Variants in TTC12 observed in about 807,000 individuals in gnomAD.
TTC12 encodes tetratricopeptide repeat domain 12, also known as tetratricopeptide repeat protein 12.
A neutral mutation model predicts 90.1 loss-of-function variants in TTC12; 70 were observed. The ratio of observed to expected loss-of-function variants is 0.78; its 90% CI spans 0.64 to 0.95. The LOEUF is 0.95. Among genes scored for constraint, TTC12 ranks in the 40% least tolerant of loss-of-function variants. The pLI is 0.00. For synonymous variants in TTC12, 296 were observed against 311.5 expected, an observed-to-expected ratio of 0.95 and a Z score of 0.53; for missense variants, 819 against 846.1, an observed-to-expected ratio of 0.97 and a Z score of 0.40.
rs181338111 is a variant in TTC12, at chr11:113,360,665, C to T, written c.1614+657C>T. ...TCACATTAAGTGATCACCCGTTTTT[C>T]TCCCTGTCAGGGCAGGACCCTAATG... On this transcript the variant is annotated intron_variant, in intron 18 of 21. Coordinates refer to ENST00000529221, the MANE Select transcript of TTC12 (RefSeq NM_017868.4). 3.4e-3 allele frequency among the ~76,000 whole-genome samples: 517 copies of T among 152,294 alleles called. 4 individuals are homozygous for T. The highest frequency in any genetic ancestry group is 0.012 in the African/African-American group (483 of 41,568).
Position 113,325,659 on chromosome 11 carries a change from GGA to G in TTC12, c.444+15_444+16del. 1 of 1,613,366 alleles carries G rather than the reference GGA, an allele frequency of 6.2e-7. No individual in the cohort carries two copies. The highest frequency in any genetic ancestry group is 1.7e-5 in the Admixed American group (1 of 59,922). ...AACCGAGCCCAGGTCAGTGAGGCAG[GGA>G]TGTATCCATGGGGCTTTCTCAGGGA... is the stretch of plus-strand genomic sequence containing the variant. On this transcript the variant is annotated intron_variant, in intron 6 of 21. Coordinates refer to ENST00000529221, the MANE Select transcript of TTC12 (RefSeq NM_017868.4).
At chr11:113,362,904 A>G (rs543310327) in intron 19 of TTC12, among the ~76,000 whole-genome samples, 12 of 152,334 alleles carry the variant, frequency 7.9e-5, no homozygotes, top group African/African-American at 2.6e-4. Flanking sequence ...AACTCCATCT[A>G]TGAGACATGT....
At chr11:113,373,183 C>T (rs193273156) in exon 22 of TTC12, 4 of 985,388 alleles carry the variant, frequency 4.1e-6, no homozygotes, top group African/African-American at 1.7e-5. Flanking sequence ...ACCAGGTACT[C>T]AACCACCCCA....
chr11:113,321,944 A>T (rs984944491), intron 2 of TTC12, among the ~76,000 whole-genome samples: 1 of 152,208 alleles, frequency 6.6e-6, no homozygotes, highest in Non-Finnish European at 1.5e-5. Flanking sequence ...AATTGTTGAC[A>T]TAGATAATTG....
chr11:113,316,124 A>G, intron 1 of TTC12, 119 bp from the exon 2 acceptor site: 1 of 440,866 alleles, frequency 2.3e-6, no homozygotes, highest in Non-Finnish European at 4.0e-6. Context: ...ATTCATTGAC[A>G]TAAACAAAAC....
intron 8 of TTC12, among the ~76,000 whole-genome samples, chr11:113,336,424 T>C (rs990972336): frequency 2.6e-5 from 4 of 152,226 alleles, no homozygotes; most frequent in Admixed American, 2.0e-4. Context: ...TTGCTTGTGA[T>C]TTTGGTGTTA....
In TTC12 at chr11:113,350,128, G is replaced by A; in HGVS notation, c.1210G>A (p.Ala404Thr). 1.9e-6 allele frequency: 3 copies of A among 1,613,930 alleles called. No homozygotes were observed. The highest frequency in any genetic ancestry group is 2.5e-6 in the Non-Finnish European group (3 of 1,179,828). Residue 404 changes from alanine to threonine, a missense_variant, in exon 14 of 22, where the codon GCT (alanine) becomes ACT (threonine). Ala to Thr is a moderately conservative substitution (Grantham distance 58). Transcript: ENST00000529221. ...LDFSDKEANT[A>T]MGLFTDLALE... ...TTTCTCGGATAAGGAGGCCAACACTGCTATGGGACTGTTCACAGACTTGGC... is the reference window on the plus strand; with the variant it reads ...TTTCTCGGATAAGGAGGCCAACACTACTATGGGACTGTTCACAGACTTGGC...
intron 16 of TTC12, among the ~76,000 whole-genome samples, chr11:113,358,585 TC>T (rs1355263317): frequency 3.9e-5 from 6 of 152,042 alleles, no homozygotes; most frequent in Non-Finnish European, 8.8e-5. Context: ...GTCTGATGAT[TC>T]CCCGAGGGCT....
chr11:113,339,451 T>A lies in TTC12; in HGVS notation c.803T>A (p.Ile268Asn). 6.2e-7 allele frequency: 1 copy of A among 1,610,816 alleles called. No homozygotes were observed. The highest frequency in any genetic ancestry group is 8.5e-7 in the Non-Finnish European group (1 of 1,179,112). ...IPLFYAGGIEILTEMINECTE... is the reference protein window; with the variant it reads ...IPLFYAGGIENLTEMINECTE... The stretch of plus-strand genomic sequence containing the variant: ...TTGTTCTATGCTGGGGGGATTGAGA[T>A]CCTGACTGAAATGATAAATGAGTGT... Residue 268 changes from isoleucine (I) to asparagine (N), a missense_variant, in exon 10 of 22, where the codon ATC becomes AAC. Ile to Asn is a moderately radical substitution (Grantham distance 149). Coordinates refer to ENST00000529221, the MANE Select transcript of TTC12 (RefSeq NM_017868.4).
At chr11:113,368,579 A>AAGCC (rs1565637800), downstream of TTC12, 2 of 1,302,036 alleles carry the variant, frequency 1.5e-6, no homozygotes, top group Admixed American at 3.9e-5. Context: ...GGTGGCAGGT[A>AAGCC]ACAGACAGTC....
At chr11:113,338,883 G>A in intron 9 of TTC12, 49 bp downstream of exon 9, 2 of 1,547,872 alleles carry the variant, frequency 1.3e-6, no homozygotes, top group Non-Finnish European at 1.8e-6. Flanking sequence ...ACCTCCCTCT[G>A]CCCCCTGCCT....
intron 21 of TTC12, 145 bp downstream of exon 21, chr11:113,365,205 A>G (rs1950144420): frequency 4.2e-6 from 3 of 712,868 alleles, no homozygotes; most frequent in Non-Finnish European, 4.7e-6. Context: ...TAAGCCCAGT[A>G]GCTGCTTCTC....
chr11:113,339,578 A>G (rs1409220996), intron 10 of TTC12, 104 bp downstream of exon 10: 2 of 1,079,578 alleles, frequency 1.9e-6, no homozygotes, highest in African/African-American at 3.2e-5. Context: ...CCTTCCACAA[A>G]TATTGATTAA....
At chr11:113,345,756 G>A (rs574625022) in intron 13 of TTC12, among the ~76,000 whole-genome samples, 27 of 152,216 alleles carry the variant, frequency 1.8e-4, no homozygotes, top group African/African-American at 6.0e-4. Context: ...TCATTTCCTC[G>A]ATACCTTCAT....
chr11:113,336,746 CA>C (rs1228507177), intron 8 of TTC12, among the ~76,000 whole-genome samples: 1 of 152,136 alleles, frequency 6.6e-6, no homozygotes. Context: ...ACAGTGTCTT[CA>C]TTTTTGTAGC....
chr11:113,337,151 A>G (rs971291047), intron 8 of TTC12, among the ~76,000 whole-genome samples: 7 of 152,326 alleles, frequency 4.6e-5, no homozygotes, highest in African/African-American at 1.7e-4. Context: ...CTGTCCACCA[A>G]TTTTTATTTA....
chr11:113,353,298 A>C lies in TTC12; in HGVS notation c.1446+1091A>C, dbSNP rs541907586. Among the ~76,000 whole-genome samples, 109 of 152,204 alleles carry C rather than the reference A, an allele frequency of 7.2e-4. 1 individual carries two copies. In the South Asian group the frequency reaches 0.022, roughly 30 times the overall value. The stretch of plus-strand genomic sequence containing the variant: ...AAGTGTCTCTTCATGTCCTTTGCCC[A>C]CTTTTTAATGGGGTAGTTTATTTTT... On this transcript the variant is annotated intron_variant, in intron 16 of 21. Transcript: ENST00000529221.
chr11:113,341,178 C>T (rs1477830927), intron 11 of TTC12, among the ~76,000 whole-genome samples: 4 of 152,100 alleles, frequency 2.6e-5, no homozygotes, highest in African/African-American at 7.2e-5. Context: ...TGCAGTGAGC[C>T]GAGATCACGC....
intron 16 of TTC12, 125 bp downstream of exon 16, chr11:113,352,332 C>G (rs1243432581): frequency 8.0e-7 from 1 of 1,246,288 alleles, no homozygotes; most frequent in African/African-American, 1.5e-5. Context: ...GTTGGCTTAT[C>G]CCTTCTGTAA....
Sources: allele counts gnomAD v4.1 joint callset (sites outside exome capture counted in the v4.1 genomes callset), GRCh38; gene constraint gnomAD v4.1.1; transcripts MANE v1.5; gene names NCBI Gene and HGNC (gene_info 2026-07-23, HGNC 2026-07-21).